The following GABRA3 variants were observed in gnomAD, a reference collection of about 807,000 sequenced individuals.
GABRA3 encodes gamma-aminobutyric acid receptor subunit alpha-3.
In GABRA3, 10 loss-of-function variants were observed where a neutral mutation model predicts 30.1. The observed-to-expected ratio is 0.33, with a 90% CI of 0.20 to 0.56. The LOEUF (loss-of-function observed/expected upper bound fraction) is 0.56, where lower values mean the gene tolerates loss of function less well. GABRA3 is among the 20% of genes least tolerant of loss of function. The probability of loss-of-function intolerance (pLI) is 0.89; values close to 1 mark genes in which losing one functional copy is unlikely to be tolerated. For synonymous variants in GABRA3, 151 were observed against 146.8 expected, an observed-to-expected ratio of 1.03 and a Z score of -0.21; for missense variants, 233 against 392.0, an observed-to-expected ratio of 0.59 and a Z score of 3.42.
chrX:152,235,682 A>G (rs1039377295), intron 5 of GABRA3, among the ~76,000 whole-genome samples: 5 of 111,686 alleles, frequency 4.5e-5, no homozygotes, highest in Non-Finnish European at 7.5e-5. Flanking sequence ...AAAGATCTGT[A>G]CACTAAACGT....
chrX:152,181,289 G>A (rs967535617), intron 9 of GABRA3, among the ~76,000 whole-genome samples: 1 of 111,271 alleles, frequency 9.0e-6, no homozygotes, highest in African/African-American at 3.3e-5. Flanking sequence ...ATTATTTTTT[G>A]TACTTATTGT....
intron 4 of GABRA3, among the ~76,000 whole-genome samples, chrX:152,265,851 GA>G (rs1371186712): frequency 9.0e-6 from 1 of 110,851 alleles, no homozygotes; most frequent in East Asian, 2.8e-4. Flanking sequence ...TGGCTACTGA[GA>G]GCAACTATTT....
intron 1 of GABRA3, among the ~76,000 whole-genome samples, chrX:152,383,270 T>G (rs1215287503): frequency 9.4e-6 from 1 of 106,055 alleles, no homozygotes; most frequent in Non-Finnish European, 1.9e-5. Context: ...GCGCCTATAG[T>G]CCCAGCTACT....
At chrX:152,199,128 A>T (rs1188096404) in intron 7 of GABRA3, among the ~76,000 whole-genome samples, 1 of 111,164 alleles carries the variant, frequency 9.0e-6, no homozygotes, top group Non-Finnish European at 1.9e-5. Context: ...GCACTTTGGG[A>T]GGCCAAGGCG....
intron 1 of GABRA3, among the ~76,000 whole-genome samples, chrX:152,392,722 T>C (rs184160713): frequency 8.0e-5 from 9 of 112,357 alleles, no homozygotes; most frequent in Non-Finnish European, 1.7e-4. Flanking sequence ...ATGAAAGCCA[T>C]TAGTGATATT....
At chrX:152,266,765 T>C (rs1402492037) in intron 4 of GABRA3, among the ~76,000 whole-genome samples, 1 of 111,087 alleles carries the variant, frequency 9.0e-6, no homozygotes, top group Non-Finnish European at 1.9e-5. Context: ...AAAAAAAATA[T>C]TTTTTTATTT....
chrX:152,437,560 C>A (rs937929544), intron 1 of GABRA3, among the ~76,000 whole-genome samples: 3 of 111,071 alleles, frequency 2.7e-5, no homozygotes, highest in African/African-American at 9.8e-5. Flanking sequence ...AGACAAAAGA[C>A]CCAGAATAGT....
chrX:152,388,404 A>G (rs1434174833), intron 1 of GABRA3, among the ~76,000 whole-genome samples: 1 of 111,826 alleles, frequency 8.9e-6, no homozygotes. Context: ...ATTGAATTGC[A>G]TAACTTAGTG....
chrX:152,439,285 A>C (rs1930858527), intron 1 of GABRA3, among the ~76,000 whole-genome samples: 3 of 110,450 alleles, frequency 2.7e-5, no homozygotes, highest in Admixed American at 9.7e-5. Context: ...GACGCCTGCC[A>C]CCACACCAGG....
intron 1 of GABRA3, among the ~76,000 whole-genome samples, chrX:152,444,071 T>G (rs1455685806): frequency 9.0e-6 from 1 of 111,212 alleles, no homozygotes; most frequent in Non-Finnish European, 1.9e-5. Flanking sequence ...TTTAAATGTC[T>G]CTTCATTTTC....
chrX:152,365,257 T>G (rs73639087), intron 1 of GABRA3, among the ~76,000 whole-genome samples: 1 of 111,340 alleles, frequency 9.0e-6, no homozygotes, highest in African/African-American at 3.3e-5. Flanking sequence ...TGAGACATCA[T>G]GGCTCTTGAA....
At chrX:152,232,492 C>T (rs777653331) in intron 5 of GABRA3, among the ~76,000 whole-genome samples, 2 of 110,078 alleles carry the variant, frequency 1.8e-5, no homozygotes, top group South Asian at 3.9e-4. Flanking sequence ...TTAGTTCCCA[C>T]TTATAAACGA....
intron 9 of GABRA3, among the ~76,000 whole-genome samples, chrX:152,174,508 T>C (rs1937047134): frequency 8.9e-6 from 1 of 112,435 alleles, no homozygotes; most frequent in South Asian, 3.7e-4. Flanking sequence ...TGGTATCTCA[T>C]TGTGGTTTTG....
At chrX:152,445,838 T>C (rs950118238) in intron 1 of GABRA3, among the ~76,000 whole-genome samples, 2 of 111,829 alleles carry the variant, frequency 1.8e-5, no homozygotes, top group African/African-American at 3.3e-5. Flanking sequence ...AAACCGAGTA[T>C]CCAAGTCAGG....
rs1005254316 is a variant in GABRA3 at position 152,248,144 on chromosome X, G to C, written c.551+7634C>G. ...CCTCTGTCATTCCTTCCTGGACTAT[G>C]AAAGGGTCTGTTAACTAGTATTTCT... On this transcript the variant is annotated intron_variant, in intron 5 of 9. Coordinates refer to ENST00000370314, the MANE Select transcript of GABRA3 (RefSeq NM_000808.4). 9.0e-5 allele frequency among the ~76,000 whole-genome samples: 10 copies of C among 110,684 alleles called. No individual in the cohort carries two copies. The Middle Eastern group carries it at 0.014, about 153-fold the overall frequency.
chrX:152,312,608 T>C (rs1034715906), intron 3 of GABRA3, among the ~76,000 whole-genome samples: 2 of 111,738 alleles, frequency 1.8e-5, no homozygotes, highest in African/African-American at 6.5e-5. Flanking sequence ...TTAAAAGCAA[T>C]TGCAACAAGA....
intron 1 of GABRA3, among the ~76,000 whole-genome samples, chrX:152,440,220 G>T (rs1028870332): frequency 1.5e-4 from 17 of 112,281 alleles, no homozygotes; most frequent in African/African-American, 5.2e-4. Flanking sequence ...GATATGAACA[G>T]GCACTTCTCA....
At chrX:152,261,899 A>G (rs1357733312) in intron 4 of GABRA3, among the ~76,000 whole-genome samples, 1 of 112,566 alleles carries the variant, frequency 8.9e-6, no homozygotes, top group Non-Finnish European at 1.9e-5. Context: ...GAGGTTATAC[A>G]TGAGTGTTCT....
At chrX:152,241,814 C>G (rs181427554) in intron 5 of GABRA3, among the ~76,000 whole-genome samples, 2 of 111,672 alleles carry the variant, frequency 1.8e-5, no homozygotes, top group African/African-American at 3.2e-5. Context: ...AGGGAACTCC[C>G]TGACCCCTTG....
Sources: allele counts gnomAD v4.1 joint callset (sites outside exome capture counted in the v4.1 genomes callset), GRCh38; gene constraint gnomAD v4.1.1; transcripts MANE v1.5; gene names NCBI Gene and HGNC (gene_info 2026-07-23, HGNC 2026-07-21).